The following ZNF552 variants were observed in gnomAD, a reference collection of about 807,000 sequenced individuals.
ZNF552 encodes the protein zinc finger protein 552.
Under a neutral mutation model 7.2 loss-of-function variants are expected in ZNF552, and 2 were observed. The observed-to-expected ratio is 0.28, with a 90% CI of 0.11 to 0.88. The LOEUF is 0.88. Among genes scored for constraint, ZNF552 ranks in the 40% least tolerant of loss-of-function variants. The pLI is 0.60. For missense variants in ZNF552, 421 were observed against 493.4 expected (o/e 0.85, Z 1.39); for synonymous variants, 173 against 176.5 (o/e 0.98, Z 0.16).
chr19:57,808,995 G>T lies in ZNF552; in HGVS notation c.269C>A (p.Ala90Asp). 1 of 1,573,720 alleles carries T rather than the reference G, an allele frequency of 6.4e-7. No homozygotes were observed. Among genetic ancestry groups the T allele is most frequent in the Admixed American group, 1.8e-5 (1 of 55,066 alleles). ...TPMAGVSPKK[A>D]HPCEMCGPIL... ...CGGGCCACACATCTCACAGGGGTGG[G>T]CCTTCTTGGGAGACACACCTGCCAT... is the stretch of plus-strand genomic sequence containing the variant. The change falls in exon 3 of 3, where the codon GCC (alanine) becomes GAC (aspartate). Residue 90 changes from alanine (A) to aspartate (D), a missense_variant. By Grantham distance (126) the Ala-to-Asp change is moderately radical (BLOSUM62 -2). This residue lies in a region of ZNF552 where 122 missense variants were observed against 199.7 expected (regional missense o/e 0.61). Transcript: ENST00000391701.
Position 57,808,631 on chromosome 19 carries a change from A to G in ZNF552, c.633T>C (p.His211=), listed in dbSNP as rs762774311. 1.2e-6 allele frequency: 2 copies of G among 1,614,102 alleles called. No homozygotes were observed. Among genetic ancestry groups the G allele is most frequent in the Admixed American group, 1.7e-5 (1 of 60,010 alleles). Reference sequence around the variant, plus strand: ...GTTTCATGCATCCTCCACAGCTGTAATGGCTTTTTCCCCCATGAAACAGAG... The same window carrying G: ...GTTTCATGCATCCTCCACAGCTGTAGTGGCTTTTTCCCCCATGAAACAGAG... The part of the protein sequence containing the change: ...CVSLFHGGKS[H]YSCGGCMKHF... Residue 211 remains histidine, a synonymous_variant, in exon 3 of 3, where the codon CAT becomes CAC. Coordinates refer to ENST00000391701, the MANE Select transcript of ZNF552 (RefSeq NM_024762.3).
Position 57,808,164 on chromosome 19 carries a change from A to G in ZNF552, c.1100T>C (p.Leu367Pro). 1.2e-6 allele frequency: 2 copies of G among 1,614,148 alleles called. No homozygotes were observed. Among genetic ancestry groups the G allele is most frequent in the South Asian group, 2.2e-5 (2 of 91,078 alleles). ...CGKSFAESSSLTKHRRVHTGE... is the reference protein window; with the variant it reads ...CGKSFAESSSPTKHRRVHTGE... Reference sequence around the variant, plus strand: ...AGTGTGAACTCTCCTGTGTTTAGTGAGACTGGAGCTTTCGGCAAAAGATTT... The same window carrying G: ...AGTGTGAACTCTCCTGTGTTTAGTGGGACTGGAGCTTTCGGCAAAAGATTT... Residue 367 changes from leucine to proline, a missense_variant, in exon 3 of 3, where the codon CTC becomes CCC. Coordinates refer to ENST00000391701, the MANE Select transcript of ZNF552 (RefSeq NM_024762.3).
chr19:57,807,856 T>C lies in ZNF552; in HGVS notation c.*184A>G. On this transcript the variant is annotated 3_prime_UTR_variant, in exon 3 of 3. Transcript: ENST00000391701. ...AGTGTTAACTATAATCCTGAAGGAATACAGAGGTGTGGCTACAAAACTGCC... is the reference window on the plus strand; with the variant it reads ...AGTGTTAACTATAATCCTGAAGGAACACAGAGGTGTGGCTACAAAACTGCC... The C allele has an allele frequency of 1.1e-6, 1 of 882,554 alleles. No individual in the cohort carries two copies. The highest frequency in any genetic ancestry group is 1.7e-6 in the Non-Finnish European group (1 of 603,414). 54.7% of individuals were successfully genotyped at this position (882,554 alleles called of 1,614,324 possible).
At chr19:57,813,925 TAG>T (rs1261668477) in intron 1 of ZNF552, among the ~76,000 whole-genome samples, 3 of 151,692 alleles carry the variant, frequency 2.0e-5, no homozygotes, top group Non-Finnish European at 4.4e-5. Context: ...GTATTTTTAG[TAG>T]AGACAGGGTT....
chr19:57,814,590 C>A, intron 1 of ZNF552, 121 bp downstream of exon 1: 1 of 1,578,604 alleles, frequency 6.3e-7, no homozygotes. Flanking sequence ...CTCCCGAGAG[C>A]GCCTCAGTGT....
At chr19:57,813,229 A>C in intron 2 of ZNF552, 65 bp downstream of exon 2, 2 of 1,602,060 alleles carry the variant, frequency 1.2e-6, no homozygotes, top group Non-Finnish European at 1.7e-6. Flanking sequence ...AAGTCTTGCC[A>C]ATAGAAAAAG....
In ZNF552 at chr19:57,807,234, TTGTGACTCTGATGA is replaced by T. The variant is rs1170959603; in HGVS notation, c.*792_*805del. Reference sequence around the variant, plus strand: ...GGTGATAGATTAGATAAATTCATTATTGTGACTCTGATGATGGTTTCATGGGATTATAAGAAAAT... The same window carrying T: ...GGTGATAGATTAGATAAATTCATTATTGGTTTCATGGGATTATAAGAAAAT... On this transcript the variant is annotated 3_prime_UTR_variant, in exon 3 of 3. Coordinates refer to ENST00000391701, the MANE Select transcript of ZNF552 (RefSeq NM_024762.3). 1 of 152,208 alleles carries T rather than the reference TTGTGACTCTGATGA, an allele frequency of 6.6e-6. No individual in the cohort carries two copies. The highest frequency in any genetic ancestry group is 1.9e-4 in the East Asian group (1 of 5,184). 9.4% of individuals were successfully genotyped at this position (152,208 alleles called of 1,614,324 possible). A position where few individuals can be genotyped will look rare whatever the true frequency, so the allele number is the denominator to read the frequency against.
At position 57,807,289 on chromosome 19, in the gene ZNF552, T is replaced by G. The variant is rs1408724879; in HGVS notation, c.*751A>C. The G allele has an allele frequency of 2.0e-5, 3 of 152,228 alleles. No homozygotes were observed. The highest frequency in any genetic ancestry group is 4.4e-5 in the Non-Finnish European group (3 of 68,056). 9.4% of individuals were successfully genotyped at this position (152,228 alleles called of 1,614,324 possible). A position where few individuals can be genotyped will look rare whatever the true frequency, so the allele number is the denominator to read the frequency against. On this transcript the variant is annotated 3_prime_UTR_variant, in exon 3 of 3. Transcript: ENST00000391701. ...ATAAGAAAATTCAAGCCAGGAGCAG[T>G]GGCTCACGCCTGCAATCCCAACACT...
intron 2 of ZNF552, chr19:57,813,079 C>G (rs551144115): frequency 2.7e-5 from 19 of 699,984 alleles, no homozygotes; most frequent in Non-Finnish European, 4.2e-5. Flanking sequence ...GCCTGTAAGA[C>G]TTCTGACTCT....
chr19:57,814,015 T>C (rs1376479474), intron 1 of ZNF552, among the ~76,000 whole-genome samples: 1 of 151,806 alleles, frequency 6.6e-6, no homozygotes, highest in Admixed American at 6.6e-5. Context: ...ATTACAGGAG[T>C]GAGCCACTGC....
At chr19:57,810,825 T>C (rs1215196103) in intron 2 of ZNF552, among the ~76,000 whole-genome samples, 1 of 151,758 alleles carries the variant, frequency 6.6e-6, no homozygotes, top group Non-Finnish European at 1.5e-5. Flanking sequence ...GTCTGGGTGT[T>C]AAAACCCAAT....
intron 1 of ZNF552, among the ~76,000 whole-genome samples, 160 bp from the exon 2 acceptor site, chr19:57,813,580 T>C (rs1987898244): frequency 6.6e-6 from 1 of 151,942 alleles, no homozygotes. Flanking sequence ...CCAACAACAA[T>C]AGTTAGTTGA....
intron 2 of ZNF552, 172 bp downstream of exon 2, chr19:57,813,122 T>TG: frequency 8.7e-7 from 1 of 1,146,996 alleles, no homozygotes; most frequent in Non-Finnish European, 1.2e-6. Context: ...TAGCAGGTGT[T>TG]GGGGCTGCTC....
At position 57,808,626 on chromosome 19, in the gene ZNF552, C is replaced by T. The variant is rs371148111; in HGVS notation, c.638G>A (p.Ser213Asn). 14 of 1,614,194 alleles carry T rather than the reference C, an allele frequency of 8.7e-6. No homozygotes were observed. The highest frequency in any genetic ancestry group is 1.6e-4 in the Middle Eastern group (1 of 6,062). Reference protein sequence around the residue: ...SLFHGGKSHYSCGGCMKHFST... With the variant: ...SLFHGGKSHYNCGGCMKHFST... Reference sequence around the variant, plus strand: ...AAAATGTTTCATGCATCCTCCACAGCTGTAATGGCTTTTTCCCCCATGAAA... The same window carrying T: ...AAAATGTTTCATGCATCCTCCACAGTTGTAATGGCTTTTTCCCCCATGAAA... Residue 213 changes from serine (S) to asparagine (N), a missense_variant, in exon 3 of 3, where the codon AGC becomes AAC. Ser to Asn is a conservative substitution (Grantham distance 46). Around this residue, in one of 2 missense-constraint regions of ZNF552, gnomAD observed 299 missense variants for 293.7 expected, o/e 1.02. Coordinates refer to ENST00000391701, the MANE Select transcript of ZNF552 (RefSeq NM_024762.3).
intron 2 of ZNF552, among the ~76,000 whole-genome samples, chr19:57,812,638 A>T (rs1987879308): frequency 6.6e-6 from 1 of 152,108 alleles, no homozygotes; most frequent in Non-Finnish European, 1.5e-5. Context: ...GCACAATCTC[A>T]GCTCACTGCA....
Position 57,814,699 on chromosome 19 carries a change from C to A in ZNF552, c.33+12G>T, listed in dbSNP as rs763495105. On this transcript the variant is annotated intron_variant, in intron 1 of 2. Transcript: ENST00000391701. Reference sequence around the variant, plus strand: ...GGAGGTGACCGGAGAGCACGGAAGGCGCCACAATTACCTGAACGGGGAACC... The same window carrying A: ...GGAGGTGACCGGAGAGCACGGAAGGAGCCACAATTACCTGAACGGGGAACC... 25 of 1,613,954 alleles carry A rather than the reference C, an allele frequency of 1.5e-5. No individual in the cohort carries two copies. The African/African-American group carries it at 3.2e-4, about 21-fold the overall frequency.
chr19:57,813,167 C>G, intron 2 of ZNF552, 127 bp downstream of exon 2: 1 of 1,496,538 alleles, frequency 6.7e-7, no homozygotes, highest in Non-Finnish European at 9.0e-7. Flanking sequence ...TACCTCAGTC[C>G]TACCAACCAA....
At position 57,813,647 on chromosome 19, in the gene ZNF552, C is replaced by G. The variant is rs139630736; in HGVS notation, c.34-227G>C. ...TAAGAGTCCACCCCCTCCTGACAGG[C>G]ACTTCCCCTAGTATGGCCGAGGTCA... On this transcript the variant is annotated intron_variant, in intron 1 of 2. Transcript: ENST00000391701. Among the ~76,000 whole-genome samples, 460 of 151,848 alleles carry G rather than the reference C, an allele frequency of 3.0e-3. 4 individuals carry two copies. Among genetic ancestry groups the G allele is most frequent in the Middle Eastern group, 0.017 (5 of 294 alleles).
chr19:57,813,478 C>T (rs1987896472), intron 1 of ZNF552, 58 bp from the exon 2 acceptor site: 3 of 1,573,256 alleles, frequency 1.9e-6, no homozygotes, highest in Non-Finnish European at 2.6e-6. Flanking sequence ...GTATCACAAT[C>T]CATCTCTCCC....
Sources: allele counts gnomAD v4.1 joint callset (sites outside exome capture counted in the v4.1 genomes callset), GRCh38; gene constraint gnomAD v4.1.1; regional missense constraint gnomAD v4.1.1; transcripts MANE v1.5; gene names NCBI Gene and HGNC (gene_info 2026-07-23, HGNC 2026-07-21).